SDHAF3: variants seen among roughly 807,000 people sequenced by gnomAD.
SDHAF3 encodes succinate dehydrogenase complex assembly factor 3, also known as succinate dehydrogenase assembly factor 3, mitochondrial.
SDHAF3 carries 18 observed loss-of-function variants against 11.5 expected under a neutral mutation model. The observed-to-expected ratio is 1.56, with a 90% CI of 1.08 to 2.32. SDHAF3 has a LOEUF of 2.32. Ranked by LOEUF, SDHAF3 falls within the 30% of genes most tolerant of loss-of-function variation. The pLI, the probability that SDHAF3 is intolerant of heterozygous loss-of-function variation, is 0.00. For synonymous variants in SDHAF3, 72 were observed against 59.3 expected (o/e 1.21, Z -0.99); for missense variants, 200 against 154.4 (o/e 1.30, Z -1.57).
chr7:97,118,794 T>A (rs1467196051), intron 1 of SDHAF3, among the ~76,000 whole-genome samples: 1 of 151,790 alleles, frequency 6.6e-6, no homozygotes, highest in South Asian at 2.1e-4. Flanking sequence ...TAAAAAAAAA[T>A]CAAAAGAATG....
intron 1 of SDHAF3, among the ~76,000 whole-genome samples, chr7:97,148,106 C>T (rs1789163962): frequency 6.6e-6 from 1 of 151,984 alleles, no homozygotes; most frequent in African/African-American, 2.4e-5. Flanking sequence ...TGTCGTCAAG[C>T]TGGTCCCGAA....
intron 1 of SDHAF3, among the ~76,000 whole-genome samples, chr7:97,161,954 T>C (rs1012101025): frequency 6.6e-6 from 1 of 152,204 alleles, no homozygotes; most frequent in African/African-American, 2.4e-5. Flanking sequence ...TATCCAGTAA[T>C]GGGATTGGTG....
chr7:97,161,613 G>GAATA (rs1441943723), intron 1 of SDHAF3, among the ~76,000 whole-genome samples: 2 of 152,030 alleles, frequency 1.3e-5, no homozygotes, highest in Non-Finnish European at 2.9e-5. Flanking sequence ...AGGCCCTGGT[G>GAATA]TGTGCTGTTC....
intron 1 of SDHAF3, among the ~76,000 whole-genome samples, chr7:97,177,291 A>G (rs1253567957): frequency 6.6e-6 from 1 of 152,044 alleles, no homozygotes; most frequent in East Asian, 1.9e-4. Flanking sequence ...TCATGAGGTC[A>G]GGAGATTGAG....
intron 1 of SDHAF3, among the ~76,000 whole-genome samples, chr7:97,172,987 A>T (rs1789626216): frequency 7.1e-6 from 1 of 141,630 alleles, no homozygotes; most frequent in Non-Finnish European, 1.6e-5. Flanking sequence ...GCTCCACCTC[A>T]GATCATCAAG....
At chr7:97,166,998 ACTTT>A (rs1312922436) in intron 1 of SDHAF3, among the ~76,000 whole-genome samples, 3 of 151,870 alleles carry the variant, frequency 2.0e-5, no homozygotes, top group Admixed American at 6.6e-5. Flanking sequence ...TGATCTAGGC[ACTTT>A]CTTTCTTGAC....
At chr7:97,118,734 C>T (rs1425193095) in intron 1 of SDHAF3, among the ~76,000 whole-genome samples, 2 of 151,932 alleles carry the variant, frequency 1.3e-5, no homozygotes, top group Admixed American at 1.3e-4. Context: ...TAGAGGTAAG[C>T]GGTTCTTCGG....
At chr7:97,169,817 T>C (rs1264725589) in intron 1 of SDHAF3, among the ~76,000 whole-genome samples, 1 of 152,146 alleles carries the variant, frequency 6.6e-6, no homozygotes, top group Non-Finnish European at 1.5e-5. Flanking sequence ...TGTTCTATTT[T>C]CTTAACTATT....
At chr7:97,143,665 C>G (rs1463436499) in intron 1 of SDHAF3, among the ~76,000 whole-genome samples, 10 of 148,054 alleles carry the variant, frequency 6.8e-5, no homozygotes, top group African/African-American at 2.3e-4. Context: ...TAGTGTTCCA[C>G]TGTGTGTGTG....
intron 1 of SDHAF3, among the ~76,000 whole-genome samples, chr7:97,143,074 AT>A (rs912057448): frequency 6.6e-6 from 1 of 151,084 alleles, no homozygotes; most frequent in Non-Finnish European, 1.5e-5. Context: ...GAATTTTTGT[AT>A]TTTTAGTAGG....
At chr7:97,127,985 CCTT>C (rs1472965651) in intron 1 of SDHAF3, among the ~76,000 whole-genome samples, 2 of 147,964 alleles carry the variant, frequency 1.4e-5, no homozygotes, top group African/African-American at 5.0e-5. Context: ...ACTGCAACCT[CCTT>C]CTCCTGGGTT....
At chr7:97,139,094 C>T (rs889159987) in intron 1 of SDHAF3, among the ~76,000 whole-genome samples, 8 of 152,254 alleles carry the variant, frequency 5.3e-5, no homozygotes, top group African/African-American at 1.9e-4. Flanking sequence ...TGCATGGGGG[C>T]GCTGCCCGGT....
chr7:97,141,596 C>A (rs1029916737), intron 1 of SDHAF3, among the ~76,000 whole-genome samples: 1 of 152,142 alleles, frequency 6.6e-6, no homozygotes, highest in African/African-American at 2.4e-5. Flanking sequence ...GGGGCTCGAA[C>A]CCACGACCCT....
intron 1 of SDHAF3, among the ~76,000 whole-genome samples, chr7:97,180,568 C>G (rs1423468253): frequency 6.6e-6 from 1 of 152,122 alleles, no homozygotes; most frequent in African/African-American, 2.4e-5. Context: ...CAAACCTGCA[C>G]ATGTACCCCT....
intron 1 of SDHAF3, among the ~76,000 whole-genome samples, chr7:97,142,129 C>G (rs1789059398): frequency 7.2e-6 from 1 of 139,118 alleles, no homozygotes; most frequent in African/African-American, 2.6e-5. Context: ...TCGTGGCTCA[C>G]TCCAACCTCT....
chr7:97,138,732 A>G (rs1289449106), intron 1 of SDHAF3, among the ~76,000 whole-genome samples: 1 of 152,236 alleles, frequency 6.6e-6, no homozygotes, highest in Non-Finnish European at 1.5e-5. Context: ...ATAGTTGTCC[A>G]GTGCCTTACA....
intron 1 of SDHAF3, among the ~76,000 whole-genome samples, chr7:97,156,870 G>A (rs915415697): frequency 2.6e-5 from 4 of 152,012 alleles, no homozygotes; most frequent in South Asian, 2.1e-4. Context: ...TGCGCACAAC[G>A]TGCAGGTTTG....
chr7:97,153,763 T>G (rs1315231615), intron 1 of SDHAF3, among the ~76,000 whole-genome samples: 1 of 152,234 alleles, frequency 6.6e-6, no homozygotes, highest in Non-Finnish European at 1.5e-5. Context: ...TAGCATATCC[T>G]TGCCAGCGTT....
chr7:97,159,964 G>C (rs1789374520), intron 1 of SDHAF3, among the ~76,000 whole-genome samples: 1 of 152,194 alleles, frequency 6.6e-6, no homozygotes, highest in Admixed American at 6.5e-5. Flanking sequence ...TGAGGATGGT[G>C]CTATCCTGAT....
Sources: gnomAD v4.1 joint callset for allele counts (sites outside exome capture counted in the v4.1 genomes callset) on GRCh38, gnomAD v4.1.1 for gene constraint, MANE v1.5 for transcripts, NCBI Gene and HGNC (gene_info 2026-07-23, HGNC 2026-07-21) for gene names.